SASH1: variants seen among roughly 807,000 people sequenced by gnomAD.
The protein encoded by SASH1 is SAM and SH3 domain-containing protein 1.
A neutral mutation model predicts 125.2 loss-of-function variants in SASH1; 44 were observed. That is an observed-to-expected ratio of 0.35 (90% CI 0.28 to 0.45). The LOEUF (loss-of-function observed/expected upper bound fraction) is 0.45. Among genes scored for constraint, SASH1 ranks in the 20% least tolerant of loss-of-function variants. SASH1 has a pLI of 1.00. For missense variants in SASH1, 1,426 were observed against 1,614.5 expected (o/e 0.88, Z 2.00); for synonymous variants, 639 against 649.1 (o/e 0.98, Z 0.24).
intron 1 of SASH1, among the ~76,000 whole-genome samples, chr6:148,354,438 T>G (rs1781849209): frequency 6.6e-6 from 1 of 152,202 alleles, no homozygotes; most frequent in Non-Finnish European, 1.5e-5. Context: ...GATTCATGAA[T>G]GTACTAAATT....
In SASH1 at chr6:148,548,638, TCTGGA is replaced by T; in HGVS notation, c.*82_*86del. ...ATGCTGATGCAATTCCTCCATCATCTCTGGACGTGCAGACCAGATCCAGAAGAAAG... is the reference window on the plus strand; with the variant it reads ...ATGCTGATGCAATTCCTCCATCATCTCGTGCAGACCAGATCCAGAAGAAAG... On this transcript the variant is annotated 3_prime_UTR_variant, in exon 20 of 20. Coordinates refer to ENST00000367467, the MANE Select transcript of SASH1 (RefSeq NM_015278.5). The T allele has an allele frequency of 6.8e-7, 1 of 1,469,860 alleles. No homozygotes were observed. 91.1% of individuals were successfully genotyped at this position (1,469,860 alleles called of 1,614,324 possible). A position where few individuals can be genotyped will look rare whatever the true frequency, so the allele number is the denominator to read the frequency against.
chr6:148,284,853 G>A (rs995530439), intron 1 of SASH1, among the ~76,000 whole-genome samples: 4 of 152,068 alleles, frequency 2.6e-5, no homozygotes, highest in Admixed American at 2.0e-4. Flanking sequence ...ATTTTCTCCC[G>A]ATAGAGTCCC....
chr6:148,209,327 A>C, the SASH1 span, among the ~76,000 whole-genome samples: 5 of 152,310 alleles, frequency 3.3e-5, no homozygotes, highest in East Asian at 9.6e-4. Context: ...CTCATCTCCC[A>C]CATACTGCCT....
chr6:148,383,481 C>T (rs1783235925), intron 1 of SASH1, among the ~76,000 whole-genome samples: 1 of 152,266 alleles, frequency 6.6e-6, no homozygotes, highest in South Asian at 2.1e-4. Context: ...GTCTTTCTCT[C>T]AACTTTGGGG....
chr6:148,277,949 T>A (rs1779231143), intron 1 of SASH1, among the ~76,000 whole-genome samples: 1 of 152,180 alleles, frequency 6.6e-6, no homozygotes, highest in Non-Finnish European at 1.5e-5. Context: ...ACTCCTGACC[T>A]CGTGATTCGC....
intron 2 of SASH1, among the ~76,000 whole-genome samples, chr6:148,417,866 A>G (rs1784891812): frequency 6.6e-6 from 1 of 152,230 alleles, no homozygotes; most frequent in Non-Finnish European, 1.5e-5. Context: ...GAAGCAAAGA[A>G]GAAGATGAAG....
rs558914222 is a variant in SASH1 at position 148,368,385 on chromosome 6, C to T, written c.157-21749C>T. 3.3e-5 allele frequency among the ~76,000 whole-genome samples: 5 copies of T among 152,338 alleles called. 1 individual carries two copies. The highest frequency in any genetic ancestry group is 2.1e-4 in the South Asian group (1 of 4,822). On this transcript the variant is annotated intron_variant, in intron 1 of 19. Coordinates refer to ENST00000367467, the MANE Select transcript of SASH1 (RefSeq NM_015278.5). ...TCCCAGGTTCAAGTGATTCTCCTGC[C>T]TCAGCCCCCTGAGTAGCTGGGATTA...
In SASH1 at chr6:148,446,131, C is replaced by T. The variant is rs13210987; in HGVS notation, c.386+5724C>T. On this transcript the variant is annotated intron_variant, in intron 4 of 19. Transcript: ENST00000367467. ...TTTTTTTTTTTTTTTTTTTTTGAGA[C>T]GGAGCCTCACTCTGTCGCCCAGGCT... Among the ~76,000 whole-genome samples, 171 of 83,540 alleles carry T rather than the reference C, an allele frequency of 2.0e-3. 6 individuals are homozygous for T. The highest frequency in any genetic ancestry group is 6.8e-3 in the African/African-American group (162 of 23,722). 54.8% of individuals were successfully genotyped at this position (83,540 alleles called of 152,430 possible).
intron 7 of SASH1, among the ~76,000 whole-genome samples, chr6:148,485,575 T>C (rs567700916): frequency 5.6e-4 from 85 of 152,316 alleles, no homozygotes; most frequent in Non-Finnish European, 8.2e-4. Context: ...GTCATGCCTG[T>C]TTTCCAGGTG....
intron 8 of SASH1, among the ~76,000 whole-genome samples, chr6:148,511,926 A>G (rs866368401): frequency 6.6e-6 from 1 of 152,216 alleles, no homozygotes; most frequent in Non-Finnish European, 1.5e-5. Context: ...ACACATCAGT[A>G]ATTTTCATCC....
At chr6:148,210,927 G>A in the SASH1 span, among the ~76,000 whole-genome samples, 8 of 152,186 alleles carry the variant, frequency 5.3e-5, no homozygotes, top group Non-Finnish European at 8.8e-5. Flanking sequence ...GTTGCTCAGT[G>A]TATAAAATTT....
chr6:148,393,338 G>A (rs1783812523), intron 2 of SASH1, among the ~76,000 whole-genome samples: 1 of 151,870 alleles, frequency 6.6e-6, no homozygotes, highest in Admixed American at 6.6e-5. Flanking sequence ...GGGATTACAG[G>A]CGTAAGCCAC....
intron 1 of SASH1, among the ~76,000 whole-genome samples, chr6:148,348,532 A>G (rs571908295): frequency 1.8e-4 from 28 of 152,106 alleles, no homozygotes; most frequent in Non-Finnish European, 4.0e-4. Context: ...TCCTGTGTAG[A>G]GTCCTGGGGC....
chr6:148,451,448 T>G (rs572502451), intron 4 of SASH1, among the ~76,000 whole-genome samples: 1 of 152,350 alleles, frequency 6.6e-6, no homozygotes, highest in African/African-American at 2.4e-5. Flanking sequence ...CCCCCTTTTC[T>G]TACCGGATTC....
intron 1 of SASH1, among the ~76,000 whole-genome samples, chr6:148,305,365 C>T (rs972717102): frequency 4.0e-5 from 6 of 151,580 alleles, no homozygotes; most frequent in Admixed American, 6.6e-5. Flanking sequence ...CCCAGCACTT[C>T]GGGAAACCGA....
intron 16 of SASH1, among the ~76,000 whole-genome samples, chr6:148,536,464 C>T (rs111483004): frequency 0.031 from 4,686 of 152,254 alleles, 84 homozygotes; most frequent in African/African-American, 0.039. Context: ...CTCAGCCTCC[C>T]GAGTAGCTGG....
intron 7 of SASH1, among the ~76,000 whole-genome samples, chr6:148,482,836 G>A (rs1778689409): frequency 6.6e-6 from 1 of 151,920 alleles, no homozygotes; most frequent in South Asian, 2.1e-4. Flanking sequence ...CTACAGGCAC[G>A]TGCCACAACG....
intron 2 of SASH1, among the ~76,000 whole-genome samples, chr6:148,399,786 T>TTTGGCCAGGGCTTGGCCAGGGC (rs143397176): frequency 6.6e-6 from 1 of 151,912 alleles, no homozygotes; most frequent in Non-Finnish European, 1.5e-5. Flanking sequence ...GTATCCAGGG[T>TTTGGCCAGGGCTTGGCCAGGGC]TTGGCCAGGG....
the SASH1 span, among the ~76,000 whole-genome samples, chr6:148,252,514 T>C: frequency 9.2e-5 from 14 of 151,990 alleles, no homozygotes; most frequent in Non-Finnish European, 1.5e-5. Flanking sequence ...AGTCTCGCTT[T>C]GTCGCCCAGG....
Sources: gnomAD v4.1 joint callset for allele counts (sites outside exome capture counted in the v4.1 genomes callset) on GRCh38, gnomAD v4.1.1 for gene constraint, MANE v1.5 for transcripts, NCBI Gene and HGNC (gene_info 2026-07-23, HGNC 2026-07-21) for gene names.